LINGO2: variants seen among roughly 807,000 people sequenced by gnomAD.
The protein encoded by LINGO2 is leucine rich repeat and Ig domain containing 2.
In LINGO2, 14 loss-of-function variants were observed where a neutral mutation model predicts 30.6. The observed-to-expected ratio is 0.46, with a 90% CI of 0.30 to 0.72. The LOEUF is 0.72. Ranked by LOEUF, LINGO2 falls within the 30% of genes least tolerant of loss-of-function variation. LINGO2 has a pLI of 0.07. For synonymous variants in LINGO2, 317 were observed against 288.5 expected (o/e 1.10, Z -1.00); for missense variants, 729 against 751.7 (o/e 0.97, Z 0.35).
Position 28,147,347 on chromosome 9 carries a change from A to G in LINGO2, c.-86-134942T>C, listed in dbSNP as rs1016800229. On this transcript the variant is annotated intron_variant, in intron 4 of 5. Coordinates refer to ENST00000379992, the Ensembl canonical transcript of LINGO2. The surrounding 1 kb of genome is among the most constrained non-coding windows in gnomAD (Gnocchi z 4.7). ...GGAATGGTCTCAGGCAAATTTGTAAAAAGTGGAGACCCTGCCTGCCAGGGA... is the reference window on the plus strand; with the variant it reads ...GGAATGGTCTCAGGCAAATTTGTAAGAAGTGGAGACCCTGCCTGCCAGGGA... Among the ~76,000 whole-genome samples the G allele has an allele frequency of 5.3e-5, 8 of 152,170 alleles. No homozygotes were observed. Among genetic ancestry groups the G allele is most frequent in the Admixed American group, 5.2e-4 (8 of 15,284 alleles).
chr9:27,998,983 C>A (rs1289490155), intron 5 of LINGO2, among the ~76,000 whole-genome samples: 1 of 152,018 alleles, frequency 6.6e-6, no homozygotes, highest in African/African-American at 2.4e-5. Flanking sequence ...TAGGGTCAGA[C>A]CCAGAGTTGT....
chr9:28,488,138 G>T (rs565756586), intron 1 of LINGO2, among the ~76,000 whole-genome samples: 59 of 152,228 alleles, frequency 3.9e-4, no homozygotes, highest in African/African-American at 1.4e-3. Flanking sequence ...AGGTGATTTT[G>T]AGTAGCAAAA....
chr9:28,474,603 C>CATTT (rs1825655893), intron 2 of LINGO2, among the ~76,000 whole-genome samples: 1 of 152,142 alleles, frequency 6.6e-6, no homozygotes, highest in African/African-American at 2.4e-5. Context: ...GCACCAGTTT[C>CATTT]ATTTTAACAA....
chr9:28,886,330 T>C, the LINGO2 span, among the ~76,000 whole-genome samples: 1 of 152,200 alleles, frequency 6.6e-6, no homozygotes, highest in South Asian at 2.1e-4. Context: ...AATGGTACTA[T>C]GAAAAAAATT....
At chr9:28,872,174 G>C in the LINGO2 span, among the ~76,000 whole-genome samples, 1 of 152,012 alleles carries the variant, frequency 6.6e-6, no homozygotes, top group African/African-American at 2.4e-5. Context: ...CTAGCAAAAT[G>C]ATGGGCATGA....
At chr9:28,017,461 C>T (rs1257788058) in intron 4 of LINGO2, among the ~76,000 whole-genome samples, 3 of 152,064 alleles carry the variant, frequency 2.0e-5, no homozygotes, top group South Asian at 2.1e-4. Flanking sequence ...GCCCAAAAGC[C>T]CCTTGGTCAG....
the LINGO2 span, among the ~76,000 whole-genome samples, chr9:28,707,079 G>A: frequency 6.6e-6 from 1 of 152,028 alleles, no homozygotes; most frequent in Non-Finnish European, 1.5e-5. Context: ...TTCATACAGT[G>A]TGATGATTTG....
chr9:28,975,965 T>C, the LINGO2 span, among the ~76,000 whole-genome samples: 5 of 152,176 alleles, frequency 3.3e-5, no homozygotes, highest in East Asian at 3.8e-4. Flanking sequence ...TCTTAGGTGA[T>C]TGATTTTTAT....
the LINGO2 span, among the ~76,000 whole-genome samples, chr9:28,765,209 A>G: frequency 1.3e-5 from 2 of 152,102 alleles, no homozygotes; most frequent in Middle Eastern, 3.2e-3. Flanking sequence ...AAAGAAAAAC[A>G]AAATAAAAAG....
chr9:28,216,796 T>A (rs76028735), intron 4 of LINGO2, among the ~76,000 whole-genome samples: 11,054 of 151,962 alleles, frequency 0.073, 611 homozygotes, highest in East Asian at 0.21. Context: ...TTATAGTTTG[T>A]CACTTTTAAA....
the LINGO2 span, among the ~76,000 whole-genome samples, chr9:28,782,372 T>A: frequency 6.6e-6 from 1 of 152,204 alleles, no homozygotes; most frequent in Non-Finnish European, 1.5e-5. Context: ...CACTGTGCAT[T>A]ACTTGATCAT....
the LINGO2 span, among the ~76,000 whole-genome samples, chr9:28,827,290 G>C: frequency 1.3e-5 from 2 of 152,046 alleles, no homozygotes; most frequent in East Asian, 3.9e-4. Context: ...TTTTGAGATG[G>C]CTCTAATTAC....
chr9:29,186,739 A>T, the LINGO2 span, among the ~76,000 whole-genome samples: 1 of 152,026 alleles, frequency 6.6e-6, no homozygotes, highest in Non-Finnish European at 1.5e-5. Flanking sequence ...GGTTTTAGAA[A>T]GATTGTCTGC....
the LINGO2 span, among the ~76,000 whole-genome samples, chr9:28,917,989 T>C: frequency 2.0e-5 from 3 of 152,114 alleles, no homozygotes; most frequent in Non-Finnish European, 4.4e-5. Flanking sequence ...CCATTTTGAA[T>C]TTTTATCTCA....
At chr9:28,596,210 G>A (rs1168451254) in intron 1 of LINGO2, among the ~76,000 whole-genome samples, 2 of 152,100 alleles carry the variant, frequency 1.3e-5, no homozygotes, top group Admixed American at 1.3e-4. Flanking sequence ...ATACAGAGGT[G>A]CATATTAAAA....
intron 2 of LINGO2, among the ~76,000 whole-genome samples, chr9:28,443,465 C>G (rs1161322720): frequency 1.3e-5 from 2 of 152,210 alleles, no homozygotes; most frequent in African/African-American, 2.4e-5. Context: ...CCCCATGGCT[C>G]TAGACTCACG....
the LINGO2 span, among the ~76,000 whole-genome samples, chr9:29,189,776 G>A: frequency 3.9e-5 from 6 of 152,112 alleles, no homozygotes; most frequent in Admixed American, 1.3e-4. Context: ...TCGGGAGGCC[G>A]AGGCTGGCGG....
chr9:28,056,430 T>A (rs1022902631), intron 4 of LINGO2, among the ~76,000 whole-genome samples: 8 of 152,148 alleles, frequency 5.3e-5, no homozygotes, highest in Non-Finnish European at 8.8e-5. Context: ...GTTTTTGTCC[T>A]GTCTCAGCAC....
chr9:28,470,669 C>T (rs963024500), intron 2 of LINGO2, among the ~76,000 whole-genome samples: 9 of 152,018 alleles, frequency 5.9e-5, no homozygotes, highest in African/African-American at 1.2e-4. Flanking sequence ...TTCTAATCAT[C>T]GCCATTCAGC....
Sources: allele counts gnomAD v4.1 joint callset (sites outside exome capture counted in the v4.1 genomes callset), GRCh38; gene constraint gnomAD v4.1.1; non-coding constraint Gnocchi (gnomAD v3.1); transcripts MANE v1.5; gene names NCBI Gene and HGNC (gene_info 2026-07-23, HGNC 2026-07-21).